Variants in KCNN2 observed in about 807,000 individuals in gnomAD.
The protein encoded by KCNN2 is small conductance calcium-activated potassium channel protein 2.
KCNN2 carries 24 observed loss-of-function variants against 55.5 expected under a neutral mutation model. The ratio of observed to expected loss-of-function variants is 0.43; its 90% CI spans 0.31 to 0.61. The LOEUF (loss-of-function observed/expected upper bound fraction) is 0.61. KCNN2 is among the 20% of genes least tolerant of loss of function. The probability of loss-of-function intolerance (pLI) is 0.08; values close to 1 mark genes in which losing one functional copy is unlikely to be tolerated. For missense variants in KCNN2, 754 were observed against 853.6 expected (o/e 0.88, Z 1.45); for synonymous variants, 431 against 336.1 (o/e 1.28, Z -3.09).
At chr5:114,215,266 G>A (rs960189014) in intron 1 of KCNN2, among the ~76,000 whole-genome samples, 2 of 152,050 alleles carry the variant, frequency 1.3e-5, no homozygotes, top group Admixed American at 6.6e-5. Flanking sequence ...CAGGATAGAA[G>A]CCATAATCAC....
intron 2 of KCNN2, among the ~76,000 whole-genome samples, chr5:114,315,405 C>G (rs954041856): frequency 2.0e-5 from 3 of 147,578 alleles, no homozygotes; most frequent in African/African-American, 7.5e-5. Context: ...AGTGTACCAC[C>G]CATGGAAGGC....
At chr5:114,468,369 G>A (rs1035456418) in intron 4 of KCNN2, among the ~76,000 whole-genome samples, 2 of 152,148 alleles carry the variant, frequency 1.3e-5, no homozygotes, top group African/African-American at 2.4e-5. Context: ...CTGGCACATT[G>A]AGTCAGTCAG....
At chr5:114,118,883 G>A (rs1000196813) in intron 1 of KCNN2, among the ~76,000 whole-genome samples, 7 of 152,056 alleles carry the variant, frequency 4.6e-5, no homozygotes, top group African/African-American at 1.4e-4. Context: ...TGGCACCTTC[G>A]GAGACAAGAT....
intron 1 of KCNN2, among the ~76,000 whole-genome samples, chr5:114,128,850 A>G (rs933261597): frequency 2.8e-4 from 42 of 152,216 alleles, no homozygotes; most frequent in Non-Finnish European, 5.6e-4. Context: ...TAATTCCCAC[A>G]AGCCTACTCC....
chr5:114,432,177 T>TC (rs1410250020), intron 3 of KCNN2, among the ~76,000 whole-genome samples: 2 of 152,242 alleles, frequency 1.3e-5, no homozygotes, highest in African/African-American at 4.8e-5. Flanking sequence ...TGTTGAAATC[T>TC]CCAACTATGA....
intron 1 of KCNN2, among the ~76,000 whole-genome samples, chr5:114,165,203 C>T (rs1318335749): frequency 3.3e-5 from 5 of 152,102 alleles, no homozygotes; most frequent in African/African-American, 4.8e-5. Flanking sequence ...CCAAGTGTGC[C>T]TGTGCCTCTT....
chr5:114,383,879 T>C (rs1304049259), intron 2 of KCNN2, among the ~76,000 whole-genome samples: 1 of 152,234 alleles, frequency 6.6e-6, no homozygotes, highest in Non-Finnish European at 1.5e-5. Context: ...CCTCATGCTT[T>C]ATGGCTATTT....
chr5:114,122,321 A>G (rs1751844018), intron 1 of KCNN2, among the ~76,000 whole-genome samples: 1 of 152,208 alleles, frequency 6.6e-6, no homozygotes, highest in South Asian at 2.1e-4. Context: ...AATTAGGCAT[A>G]TGACAATAAA....
Position 114,233,014 on chromosome 5 carries a change from G to A in KCNN2, c.-185+11449G>A, listed in dbSNP as rs1341126113. Among the ~76,000 whole-genome samples, 37 of 126,924 alleles carry A rather than the reference G, an allele frequency of 2.9e-4. No individual in the cohort carries two copies. The East Asian group carries it at 9.4e-3, about 32-fold the overall frequency. The allele number at this position is 126,924 out of a possible 152,430, so 83.3% of individuals were successfully genotyped here. On this transcript the variant is annotated intron_variant, in intron 2 of 10. Coordinates refer to the KCNN2 transcript ENST00000512097. ...CGGCTCACTGCAAGCTCCGCCTCCC[G>A]GGTTCACGCCATTCTCCTGCCTCAG...
chr5:114,067,091 A>G (rs1750467840), intron 1 of KCNN2, among the ~76,000 whole-genome samples: 1 of 152,214 alleles, frequency 6.6e-6, no homozygotes, highest in African/African-American at 2.4e-5. Flanking sequence ...AACCAGTCAT[A>G]AGAAATGTGC....
At chr5:114,395,362 C>A (rs1758583478) in intron 2 of KCNN2, among the ~76,000 whole-genome samples, 1 of 152,186 alleles carries the variant, frequency 6.6e-6, no homozygotes, top group Non-Finnish European at 1.5e-5. Context: ...TCTGAGGGCA[C>A]ATTCAGCATT....
chr5:114,258,603 T>A lies in KCNN2; in HGVS notation c.-185+37038T>A, dbSNP rs79761862. Among the ~76,000 whole-genome samples, 279 of 152,272 alleles carry A rather than the reference T, an allele frequency of 1.8e-3. 1 individual carries two copies. Among genetic ancestry groups the A allele is most frequent in the Non-Finnish European group, 3.3e-3 (222 of 68,008 alleles). ...ATTTTTCCAGGAATTTATACATTTC[T>A]TCTAGGTTTTCTGGTTTGTGAGCAT... is the stretch of plus-strand genomic sequence containing the variant. On this transcript the variant is annotated intron_variant, in intron 2 of 10. Coordinates refer to the KCNN2 transcript ENST00000512097.
Position 114,473,085 on chromosome 5 carries a change from TA to T in KCNN2, c.1812del (p.Val605TrpfsTer5). On this transcript the variant is annotated frameshift_variant, in exon 5 of 8. Coordinates refer to ENST00000673685, the MANE Select transcript of KCNN2 (RefSeq NM_021614.4). LOFTEE classifies it high-confidence loss of function. Reference protein sequence around the residue: ...GAGCTALVVAVVARKLELTKA... With the variant: ...GAGCTALVVAXVARKLELTKA... ...GGTTGCACAGCCCTGGTGGTAGCTG[TA>T]GTGGCAAGGAAGCTAGAACTTACCA... The T allele has an allele frequency of 6.2e-7, 1 of 1,612,400 alleles. No individual in the cohort carries two copies. The highest frequency in any genetic ancestry group is 1.1e-5 in the South Asian group (1 of 90,718).
chr5:114,247,885 T>G (rs1016687205), intron 2 of KCNN2, among the ~76,000 whole-genome samples: 1 of 152,002 alleles, frequency 6.6e-6, no homozygotes, highest in African/African-American at 2.4e-5. Flanking sequence ...TCTTTCAAGT[T>G]TAATTGGAAG....
intron 1 of KCNN2, among the ~76,000 whole-genome samples, chr5:114,200,916 C>T (rs902563241): frequency 2.0e-5 from 3 of 151,994 alleles, no homozygotes; most frequent in Non-Finnish European, 2.9e-5. Flanking sequence ...AGTAGTGGTG[C>T]GAGTATGCCT....
At chr5:114,137,415 C>T (rs1195583948) in intron 1 of KCNN2, among the ~76,000 whole-genome samples, 5 of 152,130 alleles carry the variant, frequency 3.3e-5, no homozygotes, top group Admixed American at 2.6e-4. Context: ...GTCCTTCATG[C>T]ACACATCACA....
intron 1 of KCNN2, among the ~76,000 whole-genome samples, chr5:114,141,434 A>G (rs1468965962): frequency 1.3e-5 from 2 of 151,962 alleles, no homozygotes; most frequent in Non-Finnish European, 2.9e-5. Context: ...TTCCAGCTTC[A>G]TGCATGTCCC....
intron 1 of KCNN2, among the ~76,000 whole-genome samples, chr5:114,157,768 A>AT (rs1752668298): frequency 6.6e-6 from 1 of 150,932 alleles, no homozygotes; most frequent in African/African-American, 2.4e-5. Context: ...GATGATGAGC[A>AT]TTTTTTCATG....
At chr5:114,175,522 C>T (rs1025585862) in intron 1 of KCNN2, among the ~76,000 whole-genome samples, 1 of 151,848 alleles carries the variant, frequency 6.6e-6, no homozygotes, top group African/African-American at 2.4e-5. Flanking sequence ...TTGATATACT[C>T]AAAGAGAAAG....
Sources: allele counts gnomAD v4.1 joint callset (sites outside exome capture counted in the v4.1 genomes callset), GRCh38; gene constraint gnomAD v4.1.1; transcripts MANE v1.5; gene names NCBI Gene and HGNC (gene_info 2026-07-23, HGNC 2026-07-21).